ACVR1B: variants seen among roughly 807,000 people sequenced by gnomAD.
The protein encoded by ACVR1B is activin receptor type-1B.
ACVR1B carries 15 observed loss-of-function variants against 55.6 expected under a neutral mutation model. The ratio of observed to expected loss-of-function variants is 0.27; its 90% CI spans 0.18 to 0.42. The LOEUF (loss-of-function observed/expected upper bound fraction) is 0.42, where lower values mean the gene tolerates loss of function less well. ACVR1B is among the 10% of genes least tolerant of loss of function. The probability of loss-of-function intolerance (pLI) is 1.00; values close to 1 mark genes in which losing one functional copy is unlikely to be tolerated. For missense variants in ACVR1B, 359 were observed against 670.1 expected, an observed-to-expected ratio of 0.54 and a Z score of 5.13; for synonymous variants, 247 against 254.6, an observed-to-expected ratio of 0.97 and a Z score of 0.28.
chr12:51,964,314 GT>G, intron 1 of ACVR1B, among the ~76,000 whole-genome samples: 1 of 152,270 alleles, frequency 6.6e-6, no homozygotes, highest in South Asian at 2.1e-4. Flanking sequence ...CTCCTGTTCA[GT>G]TTTTAATTGG....
intron 1 of ACVR1B, among the ~76,000 whole-genome samples, chr12:51,959,197 A>C (rs1290741895): frequency 6.6e-6 from 1 of 152,220 alleles, no homozygotes; most frequent in African/African-American, 2.4e-5. Context: ...TTAAGGTCTC[A>C]ATCAGTTGAC....
chr12:51,993,708 G>A (rs1391366321), intron 8 of ACVR1B, among the ~76,000 whole-genome samples: 10 of 145,082 alleles, frequency 6.9e-5, no homozygotes, highest in African/African-American at 1.3e-4. Context: ...CGGAGGTTGC[G>A]GTGAGCCAAG....
At chr12:51,974,556 T>A (rs1173836418) in intron 1 of ACVR1B, among the ~76,000 whole-genome samples, 2 of 152,194 alleles carry the variant, frequency 1.3e-5, no homozygotes, top group South Asian at 2.1e-4. Flanking sequence ...TGCATGTGCA[T>A]GCTATCCAGG....
intron 7 of ACVR1B, among the ~76,000 whole-genome samples, chr12:51,990,874 C>T (rs1382757671): frequency 6.6e-6 from 1 of 152,200 alleles, no homozygotes; most frequent in East Asian, 1.9e-4. Flanking sequence ...ACATATTCTA[C>T]TCTTCCTGGT....
intron 1 of ACVR1B, among the ~76,000 whole-genome samples, chr12:51,959,185 A>G (rs1431511557): frequency 4.6e-5 from 7 of 152,212 alleles, no homozygotes; most frequent in Non-Finnish European, 1.0e-4. Context: ...TTGTAGATAG[A>G]ATTAAGGTCT....
At chr12:51,980,132 GGAT>G (rs1941947816) in intron 3 of ACVR1B, among the ~76,000 whole-genome samples, 1 of 152,068 alleles carries the variant, frequency 6.6e-6, no homozygotes, top group Non-Finnish European at 1.5e-5. Flanking sequence ...TATAAAATGG[GGAT>G]GATAACAGCG....
rs1337673263 is a variant in ACVR1B at position 51,995,043 on chromosome 12, A to AG, written c.*936dup. 6.8e-6 allele frequency: 1 copy of AG among 146,208 alleles called. No individual in the cohort carries two copies. The highest frequency in any genetic ancestry group is 2.5e-5 in the African/African-American group (1 of 40,162). The allele number at this position is 146,208 out of a possible 1,614,324, so 9.1% of individuals were successfully genotyped here. On this transcript the variant is annotated 3_prime_UTR_variant, in exon 9 of 9. Transcript: ENST00000257963. ...AAAGAGGCTTTTGGGCCAAAATGTG[A>AG]GGGTGGTGGGTGGGATGGGCAGGGA...
intron 4 of ACVR1B, among the ~76,000 whole-genome samples, chr12:51,982,434 T>G (rs1353428941): frequency 1.3e-5 from 2 of 152,152 alleles, no homozygotes; most frequent in African/African-American, 4.8e-5. Flanking sequence ...TGCTGGCTGC[T>G]TGGACCATCA....
intron 1 of ACVR1B, among the ~76,000 whole-genome samples, chr12:51,955,396 T>A (rs915709813): frequency 6.6e-6 from 1 of 152,220 alleles, no homozygotes; most frequent in Non-Finnish European, 1.5e-5. Flanking sequence ...CAGTAAACGA[T>A]GAGACGTGCT....
intron 1 of ACVR1B, among the ~76,000 whole-genome samples, chr12:51,952,471 C>T (rs1276917635): frequency 1.3e-5 from 2 of 152,160 alleles, no homozygotes; most frequent in African/African-American, 4.8e-5. Context: ...GTGGGGCAAT[C>T]CCCCCTCCGC....
At chr12:51,967,037 G>A (rs1211115058) in intron 1 of ACVR1B, among the ~76,000 whole-genome samples, 1 of 151,446 alleles carries the variant, frequency 6.6e-6, no homozygotes, top group Non-Finnish European at 1.5e-5. Context: ...TCAGGAGATC[G>A]AGACCATCCT....
intron 1 of ACVR1B, among the ~76,000 whole-genome samples, chr12:51,960,657 G>C (rs1941501584): frequency 6.6e-6 from 1 of 152,218 alleles, no homozygotes; most frequent in Admixed American, 6.5e-5. Flanking sequence ...GCATAGAGAA[G>C]TTAAGCAGTG....
At chr12:51,954,065 A>G (rs1418095055) in intron 1 of ACVR1B, among the ~76,000 whole-genome samples, 1 of 152,182 alleles carries the variant, frequency 6.6e-6, no homozygotes, top group Non-Finnish European at 1.5e-5. Context: ...GTTCTGGGAA[A>G]ATAGAGGCTG....
At chr12:51,964,300 G>A (rs1023834210) in intron 1 of ACVR1B, among the ~76,000 whole-genome samples, 4 of 152,156 alleles carry the variant, frequency 2.6e-5, no homozygotes, top group Admixed American at 6.5e-5. Context: ...ACCACCTTGC[G>A]TGGCTCCTGT....
intron 1 of ACVR1B, among the ~76,000 whole-genome samples, chr12:51,966,084 A>G (rs1403180132): frequency 6.6e-6 from 1 of 151,980 alleles, no homozygotes. Flanking sequence ...GAAAGAAAGA[A>G]AAAAGAATTA....
At chr12:51,978,325 T>C (rs537776592) in intron 3 of ACVR1B, among the ~76,000 whole-genome samples, 1 of 152,258 alleles carries the variant, frequency 6.6e-6, no homozygotes, top group South Asian at 2.1e-4. Flanking sequence ...GGTAGTTGTT[T>C]AGTCGTCTGT....
At chr12:51,974,906 G>A (rs1821017209) in intron 1 of ACVR1B, among the ~76,000 whole-genome samples, 1 of 152,196 alleles carries the variant, frequency 6.6e-6, no homozygotes, top group African/African-American at 2.4e-5. Flanking sequence ...AGATAGGGCT[G>A]GTGATAGCTC....
intron 1 of ACVR1B, among the ~76,000 whole-genome samples, chr12:51,960,674 A>G (rs1280203907): frequency 1.3e-5 from 2 of 152,200 alleles, no homozygotes; most frequent in East Asian, 3.9e-4. Flanking sequence ...AGTGGGTCCA[A>G]AGTCTATCCA....
chr12:51,952,214 C>T (rs1379976478), intron 1 of ACVR1B, among the ~76,000 whole-genome samples: 1 of 152,148 alleles, frequency 6.6e-6, no homozygotes, highest in Non-Finnish European at 1.5e-5. Context: ...GGCTTTCTTC[C>T]CTCCCTCCAG....
Sources: gnomAD v4.1 joint callset for allele counts (sites outside exome capture counted in the v4.1 genomes callset) on GRCh38, gnomAD v4.1.1 for gene constraint, MANE v1.5 for transcripts, NCBI Gene and HGNC (gene_info 2026-07-23, HGNC 2026-07-21) for gene names.